The following CCDC85C variants were observed in gnomAD, a reference collection of about 807,000 sequenced individuals.
CCDC85C encodes the protein coiled-coil domain containing 85C.
A neutral mutation model predicts 38.3 loss-of-function variants in CCDC85C; 18 were observed. The ratio of observed to expected loss-of-function variants is 0.47; its 90% CI spans 0.33 to 0.70. The LOEUF is 0.70. Among genes scored for constraint, CCDC85C ranks in the 30% least tolerant of loss-of-function variants. The pLI is 0.03. For synonymous variants in CCDC85C, 264 were observed against 293.8 expected (o/e 0.90, Z 1.04); for missense variants, 566 against 621.2 (o/e 0.91, Z 0.94).
intron 1 of CCDC85C, among the ~76,000 whole-genome samples, chr14:99,573,493 G>A (rs561942297): frequency 4.3e-4 from 66 of 152,328 alleles, no homozygotes; most frequent in African/African-American, 6.0e-4. Context: ...GAGGTCCGGC[G>A]CTCCTCCCCC....
At chr14:99,570,867 CCA>C (rs200092785) in intron 1 of CCDC85C, among the ~76,000 whole-genome samples, 86,430 of 151,638 alleles carry the variant, frequency 0.57, 24,671 homozygotes, top group African/African-American at 0.62. Context: ...GCACAGGCAA[CCA>C]ACTGGCCTGG....
chr14:99,534,759 C>T lies in CCDC85C; in HGVS notation c.867+1256G>A, dbSNP rs1595347461. 3.3e-5 allele frequency: 23 copies of T among 701,984 alleles called. No individual in the cohort carries two copies. The Middle Eastern group carries it at 6.9e-4, about 21-fold the overall frequency. The allele number at this position is 701,984 out of a possible 1,614,324, so 43.5% of individuals were successfully genotyped here. On this transcript the variant is annotated intron_variant, in intron 2 of 5. Coordinates refer to ENST00000380243, the MANE Select transcript of CCDC85C (RefSeq NM_001144995.2). Reference sequence around the variant, plus strand: ...GCCCCACTCCACAGACAGGTGAGACCCCAGCCCCTCCTGCCCTCACCAGCC... The same window carrying T: ...GCCCCACTCCACAGACAGGTGAGACTCCAGCCCCTCCTGCCCTCACCAGCC...
At chr14:99,568,346 A>G (rs1327227132) in intron 1 of CCDC85C, among the ~76,000 whole-genome samples, 1 of 143,702 alleles carries the variant, frequency 7.0e-6, no homozygotes, top group Non-Finnish European at 1.5e-5. Flanking sequence ...TCATGGGTTC[A>G]TGCGCATTTC....
rs1473428829 is a variant in CCDC85C, at chr14:99,506,729, C to G, written c.*8517G>C. ...GGACCCTTCTTTGTGTCCTCTGTAC[C>G]AGGGAGGACTCCAGATAGGTCATAC... On this transcript the variant is annotated 3_prime_UTR_variant, in exon 6 of 6. Transcript: ENST00000380243. The G allele has an allele frequency of 3.2e-6, 1 of 312,332 alleles. No individual in the cohort carries two copies. The highest frequency in any genetic ancestry group is 6.2e-6 in the Non-Finnish European group (1 of 160,372). The allele number at this position is 312,332 out of a possible 1,614,324, so 19.3% of individuals were successfully genotyped here.
At chr14:99,602,000 G>A (rs2055203771) in intron 1 of CCDC85C, among the ~76,000 whole-genome samples, 1 of 152,074 alleles carries the variant, frequency 6.6e-6, no homozygotes, top group Admixed American at 6.5e-5. Context: ...CAGGCTGAGG[G>A]GTTCTGGGGA....
chr14:99,589,430 T>C (rs572909128), intron 1 of CCDC85C, among the ~76,000 whole-genome samples: 2 of 152,276 alleles, frequency 1.3e-5, no homozygotes, highest in African/African-American at 4.8e-5. Flanking sequence ...ACCACGAACG[T>C]GCATTCGGTT....
chr14:99,603,146 CCCGG>C lies in CCDC85C; in HGVS notation c.793+17_793+20del. 1 of 1,312,542 alleles carries C rather than the reference CCCGG, an allele frequency of 7.6e-7. No individual in the cohort carries two copies. The highest frequency in any genetic ancestry group is 1.5e-5 in the African/African-American group (1 of 65,018). The allele number at this position is 1,312,542 out of a possible 1,614,324, so 81.3% of individuals were successfully genotyped here. A position where few individuals can be genotyped will look rare whatever the true frequency, so the allele number is the denominator to read the frequency against. On this transcript the variant is annotated intron_variant, in intron 1 of 5. Coordinates refer to ENST00000380243, the MANE Select transcript of CCDC85C (RefSeq NM_001144995.2). The surrounding 1 kb of genome is among the most constrained non-coding windows in gnomAD (Gnocchi z 7.5). ...GCTGCAGCCAGGGAGACCCGCGCTG[CCCGG>C]CCCGTGTAGTCCTTACCGTGCAGGC... is the stretch of plus-strand genomic sequence containing the variant.
rs1447619260 is a variant in CCDC85C at position 99,598,272 on chromosome 14, CT to C, written c.793+4894del. 2.0e-5 allele frequency among the ~76,000 whole-genome samples: 3 copies of C among 152,370 alleles called. No homozygotes were observed. In the East Asian group the frequency reaches 5.8e-4, roughly 29 times the overall value. ...GAGGCTCAGGAACTTGCTTAACAGA[CT>C]TCCAATTCTCTGCGCAAATGAAGGC... On this transcript the variant is annotated intron_variant, in intron 1 of 5. Transcript: ENST00000380243.
At chr14:99,565,995 G>A (rs1898209271) in intron 1 of CCDC85C, among the ~76,000 whole-genome samples, 1 of 152,214 alleles carries the variant, frequency 6.6e-6, no homozygotes, top group South Asian at 2.1e-4. Context: ...CTGTCGTAAC[G>A]CAGCGCCGAA....
intron 1 of CCDC85C, among the ~76,000 whole-genome samples, chr14:99,577,587 G>A (rs932310211): frequency 2.6e-5 from 4 of 152,078 alleles, no homozygotes; most frequent in Admixed American, 2.6e-4. Flanking sequence ...GAAGGTGCAG[G>A]ATGGGGTGGG....
At chr14:99,559,214 G>C (rs11847109) in intron 1 of CCDC85C, among the ~76,000 whole-genome samples, 9 of 151,172 alleles carry the variant, frequency 6.0e-5, no homozygotes, top group Non-Finnish European at 8.9e-5. Flanking sequence ...GAATACAGGA[G>C]TCCCCCCGAG....
At position 99,516,286 on chromosome 14, in the gene CCDC85C, C is replaced by A; in HGVS notation, c.1072G>T (p.Val358Phe). 6.4e-7 allele frequency: 1 copy of A among 1,550,486 alleles called. No homozygotes were observed. Among genetic ancestry groups the A allele is most frequent in the Non-Finnish European group, 8.7e-7 (1 of 1,146,406 alleles). ...KPEAVVHAMK[V>F]LEVHENLDRQ... Reference sequence around the variant, plus strand: ...TCCAGATTCTCGTGTACCTCCAGGACCTGAAGGGAACGGGTCTCGGGGTCA... The same window carrying A: ...TCCAGATTCTCGTGTACCTCCAGGAACTGAAGGGAACGGGTCTCGGGGTCA... Residue 358 changes from valine to phenylalanine, a missense_variant and splice_region_variant, in exon 5 of 6, where the codon GTC becomes TTC. Val to Phe is a conservative substitution (Grantham distance 50). This residue lies in a region of CCDC85C where 286 missense variants were observed against 276.4 expected (regional missense o/e 1.03). Coordinates refer to ENST00000380243, the MANE Select transcript of CCDC85C (RefSeq NM_001144995.2). The surrounding 1 kb of genome is among the most constrained non-coding windows in gnomAD (Gnocchi z 5.5).
chr14:99,580,861 T>C (rs1030243273), intron 1 of CCDC85C, among the ~76,000 whole-genome samples: 1 of 152,124 alleles, frequency 6.6e-6, no homozygotes, highest in Non-Finnish European at 1.5e-5. Flanking sequence ...CAAGACTCCA[T>C]CTCAAGAAAA....
At chr14:99,523,424 C>A (rs1015502423) in intron 2 of CCDC85C, among the ~76,000 whole-genome samples, 1 of 152,118 alleles carries the variant, frequency 6.6e-6, no homozygotes, top group South Asian at 2.1e-4. Flanking sequence ...CCAGGCCCCC[C>A]ACTGGGGCTG....
At chr14:99,577,854 AGT>A (rs373568172) in intron 1 of CCDC85C, among the ~76,000 whole-genome samples, 25 of 117,258 alleles carry the variant, frequency 2.1e-4, no homozygotes, top group East Asian at 7.9e-4. Flanking sequence ...ATCCCCCATC[AGT>A]GTGTGTGTGT....
rs1404342888 is a variant in CCDC85C at position 99,514,966 on chromosome 14, C to T, written c.*280G>A. 8.7e-6 allele frequency: 3 copies of T among 344,876 alleles called. No homozygotes were observed. The highest frequency in any genetic ancestry group is 4.2e-5 in the African/African-American group (2 of 48,020). The allele number at this position is 344,876 out of a possible 1,614,324, so 21.4% of individuals were successfully genotyped here. On this transcript the variant is annotated 3_prime_UTR_variant, in exon 6 of 6. Transcript: ENST00000380243. The stretch of plus-strand genomic sequence containing the variant: ...GCCTGCAGCCTCTTGCTCATGGAGC[C>T]CAGGGCCCAGAGGGGGAATGAGGCG...
At chr14:99,538,110 G>A (rs976860997) in intron 1 of CCDC85C, among the ~76,000 whole-genome samples, 2 of 152,176 alleles carry the variant, frequency 1.3e-5, no homozygotes, top group Non-Finnish European at 2.9e-5. Context: ...GTCCCATGTG[G>A]AACACGTGGT....
intron 1 of CCDC85C, among the ~76,000 whole-genome samples, chr14:99,592,281 T>G (rs1001188043): frequency 2.0e-5 from 3 of 152,184 alleles, no homozygotes; most frequent in African/African-American, 7.2e-5. Context: ...CAGGAAACCT[T>G]GACTCTGAGG....
intron 1 of CCDC85C, among the ~76,000 whole-genome samples, chr14:99,579,867 G>C (rs986191516): frequency 6.6e-6 from 1 of 152,216 alleles, no homozygotes; most frequent in South Asian, 2.1e-4. Flanking sequence ...CACGGTTGTT[G>C]GTCGTTAGGC....
Sources: allele counts gnomAD v4.1 joint callset (sites outside exome capture counted in the v4.1 genomes callset), GRCh38; gene constraint gnomAD v4.1.1; regional missense constraint gnomAD v4.1.1; non-coding constraint Gnocchi (gnomAD v3.1); transcripts MANE v1.5; gene names NCBI Gene and HGNC (gene_info 2026-07-23, HGNC 2026-07-21).